The following RGS7 variants were observed in gnomAD, a reference collection of about 807,000 sequenced individuals.
RGS7 encodes regulator of G-protein signaling 7.
Under a neutral mutation model 81.1 loss-of-function variants are expected in RGS7, and 27 were observed. That is an observed-to-expected ratio of 0.33 (90% CI 0.25 to 0.46). The LOEUF (loss-of-function observed/expected upper bound fraction) is 0.46. Ranked by LOEUF, RGS7 falls within the 20% of genes least tolerant of loss-of-function variation. The pLI, the probability that RGS7 is intolerant of heterozygous loss-of-function variation, is 1.00. For missense variants in RGS7, 396 were observed against 607.4 expected (o/e 0.65, Z 3.66); for synonymous variants, 208 against 207.7 (o/e 1.00, Z -0.01).
At chr1:241,064,322 C>T (rs768676659) in intron 3 of RGS7, among the ~76,000 whole-genome samples, 12 of 148,604 alleles carry the variant, frequency 8.1e-5, no homozygotes, top group Non-Finnish European at 1.5e-4. Context: ...GTGGCAGCTC[C>T]CATCGGTAAT....
chr1:240,818,075 T>C (rs1691144131), intron 10 of RGS7, among the ~76,000 whole-genome samples: 1 of 152,312 alleles, frequency 6.6e-6, no homozygotes, highest in Non-Finnish European at 1.5e-5. Context: ...CATTTCTTTT[T>C]TTTCTTTTTT....
intron 2 of RGS7, among the ~76,000 whole-genome samples, chr1:241,257,112 T>A (rs915790037): frequency 1.3e-5 from 2 of 152,150 alleles, no homozygotes; most frequent in African/African-American, 4.8e-5. Context: ...TTTGGGCTGC[T>A]ATAACAAAGT....
At chr1:241,278,670 C>T (rs1323850493) in intron 2 of RGS7, among the ~76,000 whole-genome samples, 2 of 152,200 alleles carry the variant, frequency 1.3e-5, no homozygotes, top group Non-Finnish European at 2.9e-5. Flanking sequence ...ACACACCTCA[C>T]CACTGCTCCC....
intron 10 of RGS7, chr1:240,823,253 C>T: frequency 1.5e-6 from 1 of 675,706 alleles, no homozygotes; most frequent in Non-Finnish European, 2.7e-6. Context: ...CTCACCACCA[C>T]CTAAAGGCCA....
chr1:241,328,241 A>T (rs2081738512), intron 2 of RGS7, among the ~76,000 whole-genome samples: 1 of 152,230 alleles, frequency 6.6e-6, no homozygotes, highest in South Asian at 2.1e-4. Context: ...ATTTGGAGTC[A>T]GGGCTTTGCC....
intron 10 of RGS7, among the ~76,000 whole-genome samples, chr1:240,821,963 A>G (rs1048651510): frequency 1.3e-5 from 2 of 152,200 alleles, no homozygotes; most frequent in African/African-American, 4.8e-5. Flanking sequence ...CTATTGTCCT[A>G]CAGAAGGATA....
chr1:240,897,497 G>A (rs1352301719), intron 6 of RGS7, among the ~76,000 whole-genome samples: 8 of 152,106 alleles, frequency 5.3e-5, no homozygotes, highest in Non-Finnish European at 7.4e-5. Flanking sequence ...ATGAAGTGCC[G>A]CTGAATTTTG....
At chr1:241,306,744 C>T (rs1160647872) in intron 2 of RGS7, among the ~76,000 whole-genome samples, 2 of 152,044 alleles carry the variant, frequency 1.3e-5, no homozygotes, top group Non-Finnish European at 2.9e-5. Flanking sequence ...CACACGTCCC[C>T]ACACTCGCAC....
intron 4 of RGS7, among the ~76,000 whole-genome samples, chr1:240,938,321 T>C (rs1676983235): frequency 6.6e-6 from 1 of 152,218 alleles, no homozygotes; most frequent in Non-Finnish European, 1.5e-5. Flanking sequence ...TATCTTTATG[T>C]ATAATTCATT....
intron 6 of RGS7, among the ~76,000 whole-genome samples, chr1:240,903,739 A>C (rs1342096492): frequency 6.6e-6 from 1 of 152,130 alleles, no homozygotes; most frequent in Non-Finnish European, 1.5e-5. Context: ...ATCCCTCACG[A>C]ATGGCTTGGT....
At chr1:241,330,877 A>C (rs1445681406) in intron 2 of RGS7, among the ~76,000 whole-genome samples, 1 of 152,230 alleles carries the variant, frequency 6.6e-6, no homozygotes. Context: ...TCCAAACCAC[A>C]GCATTATGCA....
intron 2 of RGS7, among the ~76,000 whole-genome samples, chr1:241,183,728 G>C (rs760878446): frequency 5.9e-5 from 9 of 152,346 alleles, no homozygotes; most frequent in Non-Finnish European, 1.3e-4. Context: ...TAGTAAGAGA[G>C]TAAGAGAAAG....
At chr1:240,962,007 GTGCGACC>G (rs1201042825) in intron 4 of RGS7, among the ~76,000 whole-genome samples, 1 of 152,108 alleles carries the variant, frequency 6.6e-6, no homozygotes, top group Non-Finnish European at 1.5e-5. Context: ...ACCTTCCTAA[GTGCGACC>G]TTATTGCAAT....
chr1:241,004,224 C>T (rs1039266754), intron 3 of RGS7, among the ~76,000 whole-genome samples: 1 of 152,144 alleles, frequency 6.6e-6, no homozygotes, highest in African/African-American at 2.4e-5. Flanking sequence ...ATGCTTAGAC[C>T]TCCATTATAA....
intron 2 of RGS7, among the ~76,000 whole-genome samples, chr1:241,207,132 C>A (rs1396361149): frequency 1.3e-5 from 2 of 151,388 alleles, no homozygotes; most frequent in Admixed American, 6.6e-5. Context: ...CCACGCCCGG[C>A]TAATTTTTGT....
intron 2 of RGS7, among the ~76,000 whole-genome samples, chr1:241,100,843 A>C (rs1205523780): frequency 6.6e-6 from 1 of 152,130 alleles, no homozygotes; most frequent in Admixed American, 6.5e-5. Flanking sequence ...CTCCACCTTC[A>C]TGTTTCTTTC....
chr1:240,873,708 A>G (rs977603436), intron 6 of RGS7, among the ~76,000 whole-genome samples: 2 of 152,234 alleles, frequency 1.3e-5, no homozygotes, highest in African/African-American at 4.8e-5. Context: ...AAAGCACATC[A>G]CACAGGTCAG....
Position 240,830,507 on chromosome 1 carries a change from C to CA in RGS7, c.610-3336dup, listed in dbSNP as rs113145723. On this transcript the variant is annotated intron_variant, in intron 9 of 18. Coordinates refer to ENST00000440928, the MANE Select transcript of RGS7 (RefSeq NM_001364886.1). ...AACCTCTAGACCCCAAACTCTCTTCCAAACCAATCCTGGATAGCAGCAGAG... is the reference window on the plus strand; with the variant it reads ...AACCTCTAGACCCCAAACTCTCTTCCAAAACCAATCCTGGATAGCAGCAGAG... Among the ~76,000 whole-genome samples the CA allele has an allele frequency of 6.7e-3, 1,017 of 152,304 alleles. 8 individuals are homozygous for CA. The highest frequency in any genetic ancestry group is 0.022 in the African/African-American group (905 of 41,584).
At chr1:240,970,681 G>C (rs755948047) in intron 4 of RGS7, among the ~76,000 whole-genome samples, 3 of 152,204 alleles carry the variant, frequency 2.0e-5, no homozygotes, top group Non-Finnish European at 4.4e-5. Context: ...GAGATTCTTG[G>C]TGTTGTTAAA....
Sources: allele counts gnomAD v4.1 joint callset (sites outside exome capture counted in the v4.1 genomes callset), GRCh38; gene constraint gnomAD v4.1.1; transcripts MANE v1.5; gene names NCBI Gene and HGNC (gene_info 2026-07-23, HGNC 2026-07-21).